DEAF1: variants seen among roughly 807,000 people sequenced by gnomAD.
DEAF1 encodes deformed epidermal autoregulatory factor 1 homolog.
A neutral mutation model predicts 58.9 loss-of-function variants in DEAF1; 53 were observed. The ratio of observed to expected loss-of-function variants is 0.90; its 90% confidence interval spans 0.72 to 1.13. The LOEUF is 1.13. Ranked by LOEUF, DEAF1 falls within the 50% of genes most tolerant of loss-of-function variation. The pLI is 0.00. For missense variants in DEAF1, 685 were observed against 791.4 expected, an observed-to-expected ratio of 0.87 and a Z score of 1.61; for synonymous variants, 385 against 340.4, an observed-to-expected ratio of 1.13 and a Z score of -1.44.
At chr11:675,387 G>C (rs1426030459) in intron 9 of DEAF1, among the ~76,000 whole-genome samples, 1 of 152,024 alleles carries the variant, frequency 6.6e-6, no homozygotes, top group East Asian at 1.9e-4. Context: ...GAACTAGATG[G>C]GCATGGTGAC....
chr11:703,344 G>A (rs772322786), intron 1 of DEAF1: 6 of 1,398,954 alleles, frequency 4.3e-6, no homozygotes, highest in African/African-American at 1.5e-5. Flanking sequence ...TGGAGGCCCT[G>A]GTGTTGGGAA....
At chr11:685,690 T>TG (rs949517201) in intron 5 of DEAF1, among the ~76,000 whole-genome samples, 8 of 150,514 alleles carry the variant, frequency 5.3e-5, no homozygotes, top group Non-Finnish European at 1.0e-4. Flanking sequence ...GGGAGGCCTT[T>TG]GCCTCAAAAA....
At chr11:696,006 G>A (rs2133444634), upstream of DEAF1, among the ~76,000 whole-genome samples, 1 of 152,186 alleles carries the variant, frequency 6.6e-6, no homozygotes, top group East Asian at 1.9e-4. Context: ...AGCGCGGCCT[G>A]GCCTGGCCTG....
chr11:680,002 A>AACCATGATG, intron 7 of DEAF1, 186 bp from the exon 8 acceptor site: 1 of 686,896 alleles, frequency 1.5e-6, no homozygotes, highest in Non-Finnish European at 2.4e-6. Context: ...CACAGGAGAA[A>AACCATGATG]ACCAGGATGG....
At chr11:669,713 T>C (rs1859721371) in intron 10 of DEAF1, among the ~76,000 whole-genome samples, 1 of 151,778 alleles carries the variant, frequency 6.6e-6, no homozygotes, top group Non-Finnish European at 1.5e-5. Flanking sequence ...GAGGATCACC[T>C]GAGGTCAGGA....
intron 10 of DEAF1, 65 bp from the exon 11 acceptor site, chr11:654,116 A>G: frequency 4.3e-6 from 6 of 1,381,806 alleles, no homozygotes; most frequent in Non-Finnish European, 5.1e-6. Context: ...GACACCGGGG[A>G]CAGAGGCAGG....
At chr11:665,046 G>C (rs1346986721) in intron 10 of DEAF1, among the ~76,000 whole-genome samples, 3 of 49,278 alleles carry the variant, frequency 6.1e-5, no homozygotes, top group East Asian at 6.4e-4. Flanking sequence ...TATTCACACC[G>C]AGAGGAGGAG....
At chr11:704,671 G>A (rs946140631) in intron 1 of DEAF1, 1 of 1,286,040 alleles carries the variant, frequency 7.8e-7, no homozygotes, top group Non-Finnish European at 1.0e-6. Context: ...TCCAGTCTCA[G>A]CGAGCACACA....
chr11:657,962 G>A (rs1859138913), intron 10 of DEAF1, among the ~76,000 whole-genome samples: 1 of 152,184 alleles, frequency 6.6e-6, no homozygotes, highest in African/African-American at 2.4e-5. Context: ...GAAATTCAAA[G>A]TCCGGAGTTC....
intron 4 of DEAF1, 114 bp from the exon 5 acceptor site, chr11:687,111 A>C (rs1237094305): frequency 2.0e-6 from 3 of 1,490,542 alleles, no homozygotes; most frequent in African/African-American, 1.4e-5. Flanking sequence ...CCAGCGGCTC[A>C]TGTGATCTCA....
At chr11:680,038 A>G (rs1210052397) in intron 7 of DEAF1, 6 of 593,264 alleles carry the variant, frequency 1.0e-5, no homozygotes, top group African/African-American at 3.7e-5. Flanking sequence ...GCCACTACCA[A>G]TTGTTCGCTG....
Position 694,895 on chromosome 11 carries a change from G to A in DEAF1, c.153C>T (p.Asp51=), listed in dbSNP as rs2133438572. The A allele has an allele frequency of 6.7e-7, 1 of 1,497,294 alleles. No individual in the cohort carries two copies. 92.8% of individuals were successfully genotyped at this position (1,497,294 alleles called of 1,614,324 possible). Residue 51 remains aspartate, a synonymous_variant, in exon 1 of 12, where the codon GAC becomes GAT. Transcript: ENST00000382409. ...TCTCCCGCTCCGCCTCCGAGTCTGC[G>A]TCCTCCTCCGAGTCCTCGTCCCTGC... ...VLSRDEDSEE[D]ADSEAERETP...
chr11:652,495 G>A (rs976728562), intron 11 of DEAF1, among the ~76,000 whole-genome samples: 32 of 152,062 alleles, frequency 2.1e-4, no homozygotes, highest in African/African-American at 5.1e-4. Context: ...AAAATTAGCC[G>A]GGGGTGGAGG....
chr11:662,174 G>C (rs1859346848), intron 10 of DEAF1, among the ~76,000 whole-genome samples: 1 of 152,156 alleles, frequency 6.6e-6, no homozygotes, highest in Non-Finnish European at 1.5e-5. Context: ...AGCTACTCGA[G>C]AGGCTGAAGC....
chr11:694,462 G>C (rs1057224969), intron 1 of DEAF1: 1 of 315,066 alleles, frequency 3.2e-6, no homozygotes, highest in Non-Finnish European at 5.8e-6. Flanking sequence ...GGGCAGGCTG[G>C]TCACCTGGAG....
At chr11:696,317 G>C (rs1310167232), upstream of DEAF1, among the ~76,000 whole-genome samples, 1 of 152,082 alleles carries the variant, frequency 6.6e-6, no homozygotes, top group Admixed American at 6.6e-5. Flanking sequence ...GCCTTCTGCT[G>C]TCTGTGGGTA....
chr11:678,549 G>A, intron 9 of DEAF1, 145 bp downstream of exon 9: 2 of 1,174,616 alleles, frequency 1.7e-6, no homozygotes, highest in Non-Finnish European at 2.5e-6. Context: ...TAGGCAGTGG[G>A]CCACACTTTA....
upstream of DEAF1, among the ~76,000 whole-genome samples, chr11:696,132 C>A (rs1348031169): frequency 6.6e-6 from 1 of 152,104 alleles, no homozygotes; most frequent in Non-Finnish European, 1.5e-5. Flanking sequence ...TTGTCCCGCG[C>A]GTGGTTTTTG....
chr11:704,180 T>G, intron 1 of DEAF1: 1 of 1,068,648 alleles, frequency 9.4e-7, no homozygotes, highest in Non-Finnish European at 1.2e-6. Flanking sequence ...TCTCCTGCCC[T>G]GCAAGAGAGC....
Sources: allele counts gnomAD v4.1 joint callset (sites outside exome capture counted in the v4.1 genomes callset), GRCh38; gene constraint gnomAD v4.1.1; transcripts MANE v1.5; gene names NCBI Gene and HGNC (gene_info 2026-07-23, HGNC 2026-07-21).